Variants in RAI14 observed in about 807,000 individuals in gnomAD.
RAI14 encodes ankycorbin.
A neutral mutation model predicts 115.4 loss-of-function variants in RAI14; 45 were observed. The observed-to-expected ratio is 0.39, with a 90% CI of 0.31 to 0.50. The LOEUF is 0.50. Among genes scored for constraint, RAI14 ranks in the 20% least tolerant of loss-of-function variants. The pLI, the probability that RAI14 is intolerant of heterozygous loss-of-function variation, is 0.85. For missense variants in RAI14, 939 were observed against 1,131.2 expected, an observed-to-expected ratio of 0.83 and a Z score of 2.44; for synonymous variants, 371 against 415.4, an observed-to-expected ratio of 0.89 and a Z score of 1.30.
chr5:34,811,072 C>G lies in RAI14; in HGVS notation c.511C>G (p.Leu171Val), dbSNP rs1477444635. Residue 171 changes from leucine (L) to valine (V), a missense_variant, in exon 8 of 18, where the codon CTC becomes GTC. Coordinates refer to ENST00000265109, the MANE Select transcript of RAI14 (RefSeq NM_015577.3). The part of the protein sequence containing the change: ...QNGHSEICHF[L>V]LDHGADVNSR... ...TGGTCACAGTGAGATCTGTCACTTT[C>G]TCCTGGATCATGGAGCAGATGTCAA... The G allele has an allele frequency of 6.2e-7, 1 of 1,614,016 alleles. No homozygotes were observed. The highest frequency in any genetic ancestry group is 8.5e-7 in the Non-Finnish European group (1 of 1,180,026).
intron 3 of RAI14, among the ~76,000 whole-genome samples, chr5:34,774,960 T>C (rs992582605): frequency 5.3e-5 from 8 of 151,890 alleles, no homozygotes; most frequent in Admixed American, 3.3e-4. Context: ...CAGAAACAAA[T>C]CCATACATCT....
chr5:34,722,936 A>T (rs1225446836), intron 2 of RAI14, among the ~76,000 whole-genome samples: 1 of 151,508 alleles, frequency 6.6e-6, no homozygotes, highest in African/African-American at 2.4e-5. Context: ...AAATAAATTA[A>T]AAAAAATACA....
At chr5:34,708,383 G>A (rs1740990921) in intron 2 of RAI14, among the ~76,000 whole-genome samples, 1 of 152,020 alleles carries the variant, frequency 6.6e-6, no homozygotes, top group Non-Finnish European at 1.5e-5. Flanking sequence ...TCTATTTTTA[G>A]TAGAGACAGG....
At chr5:34,692,272 AAAT>A (rs1365292127) in intron 2 of RAI14, among the ~76,000 whole-genome samples, 1 of 151,726 alleles carries the variant, frequency 6.6e-6, no homozygotes. Context: ...GTTAAAAAAA[AAAT>A]AATAATAAAA....
intron 2 of RAI14, among the ~76,000 whole-genome samples, chr5:34,735,368 AC>A (rs1472810436): frequency 6.6e-6 from 1 of 152,216 alleles, no homozygotes; most frequent in Non-Finnish European, 1.5e-5. Context: ...TAGAATATAT[AC>A]TTACACCAGG....
intron 13 of RAI14, among the ~76,000 whole-genome samples, chr5:34,821,475 TATG>T (rs1446109933): frequency 1.3e-5 from 2 of 152,050 alleles, no homozygotes; most frequent in African/African-American, 4.8e-5. Context: ...ATAGGAAATA[TATG>T]ACCAAATTCA....
intron 2 of RAI14, among the ~76,000 whole-genome samples, chr5:34,719,680 G>A (rs962558585): frequency 3.3e-5 from 5 of 152,126 alleles, no homozygotes; most frequent in Non-Finnish European, 5.9e-5. Flanking sequence ...CCCAGGGCAC[G>A]TGTCACCTTC....
intron 11 of RAI14, 28 bp downstream of exon 11, chr5:34,813,688 A>C: frequency 1.3e-6 from 2 of 1,533,926 alleles, no homozygotes; most frequent in Middle Eastern, 1.7e-4. Flanking sequence ...CCAACAATCA[A>C]TAAACGCACC....
chr5:34,791,867 G>A lies in RAI14; in HGVS notation c.168-4072G>A, dbSNP rs1034770191. ...TTCACAGAGGAAGACAGCCACTGCC[G>A]AGGTATGGCTAGGGAAGGAGGGGAG... is the stretch of plus-strand genomic sequence containing the variant. On this transcript the variant is annotated intron_variant, in intron 3 of 17. Transcript: ENST00000265109. This position sits in a 1 kb window ranked among gnomAD's most constrained non-coding sequence, Gnocchi z 5.4. Among the ~76,000 whole-genome samples, 6 of 152,334 alleles carry A rather than the reference G, an allele frequency of 3.9e-5. No homozygotes were observed. The East Asian group carries it at 5.8e-4, about 15-fold the overall frequency.
At chr5:34,678,612 G>T (rs985847677) in intron 1 of RAI14, among the ~76,000 whole-genome samples, 2 of 152,202 alleles carry the variant, frequency 1.3e-5, no homozygotes, top group African/African-American at 4.8e-5. Flanking sequence ...AAAGGCCTCA[G>T]AAGGAAACCA....
At chr5:34,754,035 C>T (rs190343096) in intron 2 of RAI14, among the ~76,000 whole-genome samples, 1 of 151,230 alleles carries the variant, frequency 6.6e-6, no homozygotes, top group Non-Finnish European at 1.5e-5. Flanking sequence ...GAGCCAAGAT[C>T]GTGCCACTGC....
chr5:34,735,618 GTCA>G (rs1256253851), intron 2 of RAI14, among the ~76,000 whole-genome samples: 1 of 152,208 alleles, frequency 6.6e-6, no homozygotes, highest in Non-Finnish European at 1.5e-5. Context: ...AGTTGTTGTA[GTCA>G]TCATCTTGAA....
At position 34,699,634 on chromosome 5, in the gene RAI14, G is replaced by C. The variant is rs78499398; in HGVS notation, c.36+12679G>C. On this transcript the variant is annotated intron_variant, in intron 2 of 17. Transcript: ENST00000265109. ...ACAAGGTTACATTCTGAGACATTGG[G>C]GGTTAGGGCTTCAACATATGGATTT... is the stretch of plus-strand genomic sequence containing the variant. Among the ~76,000 whole-genome samples the C allele has an allele frequency of 1.3e-3, 194 of 152,236 alleles. 1 individual carries two copies. Among genetic ancestry groups the C allele is most frequent in the African/African-American group, 4.4e-3 (184 of 41,528 alleles).
At chr5:34,726,773 C>G (rs1275550627) in intron 2 of RAI14, among the ~76,000 whole-genome samples, 1 of 152,278 alleles carries the variant, frequency 6.6e-6, no homozygotes, top group South Asian at 2.1e-4. Context: ...TGCCTGCCAC[C>G]ATGTAAGATG....
In RAI14 at chr5:34,724,078, G is replaced by A. The variant is rs192809217; in HGVS notation, c.37-33390G>A. On this transcript the variant is annotated intron_variant, in intron 2 of 17. Transcript: ENST00000265109. ...GTTGCCCAGGCTGGAGTGCGGTGGCGCAATCTCGGCTCACTGCAAACTCTG... is the reference window on the plus strand; with the variant it reads ...GTTGCCCAGGCTGGAGTGCGGTGGCACAATCTCGGCTCACTGCAAACTCTG... Among the ~76,000 whole-genome samples the A allele has an allele frequency of 7.5e-4, 114 of 152,224 alleles. 1 individual carries two copies. The South Asian group carries it at 8.9e-3, about 12-fold the overall frequency.
intron 3 of RAI14, among the ~76,000 whole-genome samples, chr5:34,779,999 C>T (rs1751403800): frequency 6.6e-6 from 1 of 152,164 alleles, no homozygotes; most frequent in African/African-American, 2.4e-5. Flanking sequence ...ACCAAAACAG[C>T]ACAGTACTGG....
chr5:34,662,132 T>C (rs867134698), intron 1 of RAI14, among the ~76,000 whole-genome samples: 1 of 152,208 alleles, frequency 6.6e-6, no homozygotes, highest in African/African-American at 2.4e-5. Context: ...TGTTGGATTG[T>C]TGCAGAGTGT....
intron 2 of RAI14, among the ~76,000 whole-genome samples, chr5:34,691,314 A>G (rs907286749): frequency 4.6e-5 from 7 of 152,260 alleles, no homozygotes; most frequent in Admixed American, 1.3e-4. Context: ...GAAGAATACT[A>G]TATAAAGTTT....
intron 3 of RAI14, among the ~76,000 whole-genome samples, chr5:34,778,969 C>T (rs1751259596): frequency 6.6e-6 from 1 of 151,954 alleles, no homozygotes; most frequent in Non-Finnish European, 1.5e-5. Flanking sequence ...ATGCAAAAAT[C>T]CTCAGTAAAA....
Sources: allele counts gnomAD v4.1 joint callset (sites outside exome capture counted in the v4.1 genomes callset), GRCh38; gene constraint gnomAD v4.1.1; non-coding constraint Gnocchi (gnomAD v3.1); transcripts MANE v1.5; gene names NCBI Gene and HGNC (gene_info 2026-07-23, HGNC 2026-07-21).